Variants in TRAF3 observed in about 807,000 individuals in gnomAD.
The protein encoded by TRAF3 is TNF receptor associated factor 3.
Under a neutral mutation model 62.3 loss-of-function variants are expected in TRAF3, and 13 were observed. The observed-to-expected ratio is 0.21, with a 90% CI of 0.14 to 0.33. TRAF3 has a LOEUF of 0.33. Among genes scored for constraint, TRAF3 ranks in the 10% least tolerant of loss-of-function variants. The pLI, the probability that TRAF3 is intolerant of heterozygous loss-of-function variation, is 1.00. For synonymous variants in TRAF3, 269 were observed against 283.4 expected (o/e 0.95, Z 0.51); for missense variants, 440 against 741.8 (o/e 0.59, Z 4.73).
At chr14:102,838,597 G>A (rs116397399) in intron 2 of TRAF3, among the ~76,000 whole-genome samples, 123 of 152,346 alleles carry the variant, frequency 8.1e-4, no homozygotes, top group African/African-American at 2.8e-3. Flanking sequence ...TAGTTGTCAA[G>A]ATACTTGAAT....
intron 1 of TRAF3, among the ~76,000 whole-genome samples, chr14:102,822,870 G>A (rs1177599816): frequency 6.6e-6 from 1 of 152,154 alleles, no homozygotes; most frequent in Non-Finnish European, 1.5e-5. Flanking sequence ...GCCGGGCATG[G>A]TGGCACATGC....
At chr14:102,803,031 G>A (rs994374092) in intron 1 of TRAF3, among the ~76,000 whole-genome samples, 1 of 152,110 alleles carries the variant, frequency 6.6e-6, no homozygotes, top group Admixed American at 6.6e-5. Context: ...ATCAGATCTC[G>A]TGAGAACTCA....
intron 2 of TRAF3, among the ~76,000 whole-genome samples, chr14:102,842,217 C>T (rs1343677165): frequency 2.0e-5 from 3 of 151,128 alleles, no homozygotes; most frequent in Admixed American, 6.6e-5. Context: ...GCACTCCAGC[C>T]TGGCGACAGA....
rs748435729 is a variant in TRAF3, at chr14:102,826,994, G to A, written c.-156-3340G>A. On this transcript the variant is annotated intron_variant, in intron 1 of 11. Coordinates refer to ENST00000392745, the MANE Select transcript of TRAF3 (RefSeq NM_145725.3). This position sits in a 1 kb window ranked among gnomAD's most constrained non-coding sequence, Gnocchi z 4.6. Reference sequence around the variant, plus strand: ...TGGTGGCGGTGGCTGTACCTGCTCCGGGCTGCTGTGAGGGAGGGACGGGCT... The same window carrying A: ...TGGTGGCGGTGGCTGTACCTGCTCCAGGCTGCTGTGAGGGAGGGACGGGCT... 2.0e-5 allele frequency among the ~76,000 whole-genome samples: 3 copies of A among 152,132 alleles called. No individual in the cohort carries two copies. Among genetic ancestry groups the A allele is most frequent in the Non-Finnish European group, 2.9e-5 (2 of 68,026 alleles).
At chr14:102,851,984 G>A (rs1887070357) in intron 2 of TRAF3, among the ~76,000 whole-genome samples, 2 of 151,954 alleles carry the variant, frequency 1.3e-5, no homozygotes, top group South Asian at 2.1e-4. Context: ...CAGCCTGGGA[G>A]TTCAAGGCTG....
At chr14:102,841,740 A>G (rs1319365710) in intron 2 of TRAF3, among the ~76,000 whole-genome samples, 1 of 152,246 alleles carries the variant, frequency 6.6e-6, no homozygotes, top group Non-Finnish European at 1.5e-5. Flanking sequence ...CAGAGAAGCA[A>G]GGAAATGTGA....
At chr14:102,845,615 A>G (rs1886658739) in intron 2 of TRAF3, among the ~76,000 whole-genome samples, 1 of 150,752 alleles carries the variant, frequency 6.6e-6, no homozygotes, top group African/African-American at 2.4e-5. Flanking sequence ...TCGCAGGTTC[A>G]TGCCATTCTC....
chr14:102,874,458 C>T (rs1049429320), intron 4 of TRAF3, among the ~76,000 whole-genome samples: 7 of 151,990 alleles, frequency 4.6e-5, no homozygotes, highest in African/African-American at 1.2e-4. Flanking sequence ...GGGGTTTCAC[C>T]GTGTTGGCCA....
At chr14:102,897,163 C>A in intron 9 of TRAF3, 98 bp from the exon 10 acceptor site, 1 of 1,111,016 alleles carries the variant, frequency 9.0e-7, no homozygotes, top group Non-Finnish European at 1.3e-6. Context: ...TGTCAATAAG[C>A]TAACAGAAGG....
At chr14:102,811,550 GTTTT>G (rs35064640) in intron 1 of TRAF3, among the ~76,000 whole-genome samples, 5 of 79,488 alleles carry the variant, frequency 6.3e-5, no homozygotes, top group South Asian at 6.2e-4. Flanking sequence ...GCTGTAGGCG[GTTTT>G]TTTTTTTTTT....
At chr14:102,882,675 T>A (rs1235601677) in intron 6 of TRAF3, among the ~76,000 whole-genome samples, 1 of 151,838 alleles carries the variant, frequency 6.6e-6, no homozygotes, top group Non-Finnish European at 1.5e-5. Flanking sequence ...AAAGCCCAGG[T>A]CATTCTAATT....
At chr14:102,806,746 G>C (rs1034753516) in intron 1 of TRAF3, among the ~76,000 whole-genome samples, 1 of 152,086 alleles carries the variant, frequency 6.6e-6, no homozygotes, top group African/African-American at 2.4e-5. Context: ...TGGCAGGGCT[G>C]GGGGGAGGTC....
At chr14:102,864,305 C>A (rs911942006) in intron 2 of TRAF3, among the ~76,000 whole-genome samples, 1 of 151,984 alleles carries the variant, frequency 6.6e-6, no homozygotes, top group Non-Finnish European at 1.5e-5. Context: ...CCCGCCACCA[C>A]GCCCGGCTAA....
At position 102,903,548 on chromosome 14, in the gene TRAF3, A is replaced by C; in HGVS notation, c.1135+119A>C. On this transcript the variant is annotated intron_variant, in intron 11 of 11. Transcript: ENST00000392745. This position sits in a 1 kb window ranked among gnomAD's most constrained non-coding sequence, Gnocchi z 6.4. ...CATGTGCCTTAGGACAGTTTTTTCT[A>C]ATTATGGGTAACACGCAGAGGTGTG... is the stretch of plus-strand genomic sequence containing the variant. 7.2e-7 allele frequency: 1 copy of C among 1,391,350 alleles called. No individual in the cohort carries two copies. The highest frequency in any genetic ancestry group is 1.4e-5 in the African/African-American group (1 of 70,364). 86.2% of individuals were successfully genotyped at this position (1,391,350 alleles called of 1,614,324 possible).
At chr14:102,883,574 T>C (rs1456968691) in intron 6 of TRAF3, among the ~76,000 whole-genome samples, 2 of 152,026 alleles carry the variant, frequency 1.3e-5, no homozygotes, top group African/African-American at 4.8e-5. Context: ...TATGTAGTTA[T>C]GCTTTTTTTT....
chr14:102,904,318 C>T (rs1890465047), intron 11 of TRAF3, among the ~76,000 whole-genome samples: 1 of 152,176 alleles, frequency 6.6e-6, no homozygotes, highest in South Asian at 2.1e-4. Flanking sequence ...GGCCTCAGGA[C>T]ATCTTCTACA....
intron 2 of TRAF3, among the ~76,000 whole-genome samples, chr14:102,842,714 TC>T (rs1378195773): frequency 6.6e-6 from 1 of 152,100 alleles, no homozygotes; most frequent in Non-Finnish European, 1.5e-5. Context: ...TCAAAAGCTT[TC>T]AAAGCAGCCA....
intron 1 of TRAF3, among the ~76,000 whole-genome samples, chr14:102,794,265 C>T (rs1199485481): frequency 6.6e-6 from 1 of 152,190 alleles, no homozygotes; most frequent in Non-Finnish European, 1.5e-5. Flanking sequence ...GCCTCAAACG[C>T]CTGGGCAGAA....
rs533709424 is a variant in TRAF3, at chr14:102,868,947, C to T, written c.-17-1238C>T. ...TACTTTACCTGTTGATGGGAACTTG[C>T]AGGTGGGAGGCAGCCAGTCTTAAAG... On this transcript the variant is annotated intron_variant, in intron 2 of 11. Transcript: ENST00000392745. Among the ~76,000 whole-genome samples, 3 of 152,330 alleles carry T rather than the reference C, an allele frequency of 2.0e-5. No individual in the cohort carries two copies. The South Asian group carries it at 6.2e-4, about 32-fold the overall frequency.
Sources: allele counts gnomAD v4.1 joint callset (sites outside exome capture counted in the v4.1 genomes callset), GRCh38; gene constraint gnomAD v4.1.1; non-coding constraint Gnocchi (gnomAD v3.1); transcripts MANE v1.5; gene names NCBI Gene and HGNC (gene_info 2026-07-23, HGNC 2026-07-21).